The following MYT1L variants were observed in gnomAD, a reference collection of about 807,000 sequenced individuals.
MYT1L encodes myelin transcription factor 1 like, also known as myelin transcription factor 1-like protein.
In MYT1L, 12 loss-of-function variants were observed where a neutral mutation model predicts 126.7. The ratio of observed to expected loss-of-function variants is 0.09; its 90% CI spans 0.06 to 0.15. MYT1L has a LOEUF of 0.15. Among genes scored for constraint, MYT1L ranks in the 10% least tolerant of loss-of-function variants. MYT1L has a pLI of 1.00. For synonymous variants in MYT1L, 541 were observed against 604.2 expected, an observed-to-expected ratio of 0.90 and a Z score of 1.53; for missense variants, 979 against 1,585.2, an observed-to-expected ratio of 0.62 and a Z score of 6.49.
intron 1 of MYT1L, among the ~76,000 whole-genome samples, chr2:2,327,823 T>A (rs1391303030): frequency 6.6e-6 from 1 of 152,208 alleles, no homozygotes; most frequent in Non-Finnish European, 1.5e-5. Flanking sequence ...CAGAGGAGTT[T>A]TTTTTAATAT....
chr2:2,111,876 C>A (rs1404577436), intron 3 of MYT1L, among the ~76,000 whole-genome samples: 2 of 152,372 alleles, frequency 1.3e-5, no homozygotes, highest in East Asian at 3.9e-4. Flanking sequence ...CATTGGCTGC[C>A]ATGGTGGGCG....
At chr2:1,796,963 A>T (rs1016311263) in intron 23 of MYT1L, among the ~76,000 whole-genome samples, 13 of 151,978 alleles carry the variant, frequency 8.6e-5, no homozygotes, top group African/African-American at 2.4e-4. Flanking sequence ...ATAACAAGCA[A>T]CTTCTGGGTG....
chr2:1,875,927 T>C (rs1393542620), intron 18 of MYT1L, among the ~76,000 whole-genome samples: 1 of 152,192 alleles, frequency 6.6e-6, no homozygotes, highest in Non-Finnish European at 1.5e-5. Flanking sequence ...TATCTCTCTG[T>C]TCATGTGTTA....
intron 3 of MYT1L, among the ~76,000 whole-genome samples, chr2:2,096,629 G>A (rs114692181): frequency 6.6e-6 from 1 of 152,144 alleles, no homozygotes; most frequent in Non-Finnish European, 1.5e-5. Flanking sequence ...AGGAGCCTTG[G>A]TGAAAGGCTC....
intron 3 of MYT1L, among the ~76,000 whole-genome samples, chr2:2,057,436 T>C (rs986440032): frequency 6.6e-6 from 1 of 151,866 alleles, no homozygotes; most frequent in Non-Finnish European, 1.5e-5. Flanking sequence ...CCCATCCTTT[T>C]CCTTTCATAA....
At chr2:1,967,034 T>C (rs2059419396) in intron 8 of MYT1L, among the ~76,000 whole-genome samples, 1 of 152,134 alleles carries the variant, frequency 6.6e-6, no homozygotes, top group African/African-American at 2.4e-5. Flanking sequence ...ATTTCATAGT[T>C]TTGGGGGTAC....
chr2:2,203,383 G>T (rs1257907971), intron 2 of MYT1L, among the ~76,000 whole-genome samples: 3 of 127,932 alleles, frequency 2.3e-5, no homozygotes, highest in African/African-American at 9.5e-5. Flanking sequence ...CATCGTCTCA[G>T]CTCCTTAAGC....
At chr2:2,133,982 T>C (rs1382663670) in intron 3 of MYT1L, among the ~76,000 whole-genome samples, 1 of 152,228 alleles carries the variant, frequency 6.6e-6, no homozygotes, top group Non-Finnish European at 1.5e-5. Context: ...CTTTAGAAAC[T>C]GCCACTTGAT....
chr2:1,876,054 G>C (rs1161138727), intron 18 of MYT1L, among the ~76,000 whole-genome samples: 1 of 152,216 alleles, frequency 6.6e-6, no homozygotes, highest in African/African-American at 2.4e-5. Context: ...TCTGCGGTGA[G>C]GTTGAGGGCT....
intron 4 of MYT1L, among the ~76,000 whole-genome samples, chr2:2,037,798 A>G (rs1375315532): frequency 6.8e-6 from 1 of 146,440 alleles, no homozygotes; most frequent in Admixed American, 6.7e-5. Context: ...CAAAAAAACA[A>G]AAAAACAAAA....
At chr2:2,058,944 T>C (rs1178347728) in intron 3 of MYT1L, among the ~76,000 whole-genome samples, 4 of 152,178 alleles carry the variant, frequency 2.6e-5, no homozygotes, top group Non-Finnish European at 5.9e-5. Context: ...AAGTGTTCAT[T>C]CATATGGGGG....
chr2:2,275,135 G>C (rs2095333315), intron 2 of MYT1L, among the ~76,000 whole-genome samples: 1 of 151,970 alleles, frequency 6.6e-6, no homozygotes, highest in African/African-American at 2.4e-5. Context: ...CACTGAGCCA[G>C]GTCTTGGAGG....
intron 3 of MYT1L, among the ~76,000 whole-genome samples, chr2:2,169,793 T>C (rs1386642691): frequency 6.6e-6 from 1 of 152,180 alleles, no homozygotes; most frequent in Non-Finnish European, 1.5e-5. Context: ...TCCCTCACCC[T>C]TCCGGGAAGA....
At chr2:1,886,076 T>G (rs1378122739) in intron 18 of MYT1L, 1 of 152,632 alleles carries the variant, frequency 6.6e-6, no homozygotes, top group African/African-American at 2.4e-5. Flanking sequence ...CTAAAGAGTA[T>G]TCATGACTAA....
Position 1,791,614 on chromosome 2 carries a change from C to A in MYT1L, c.*253G>T. The A allele has an allele frequency of 4.3e-6, 2 of 467,656 alleles. No homozygotes were observed. The highest frequency in any genetic ancestry group is 7.6e-6 in the Non-Finnish European group (2 of 264,710). 29.0% of individuals were successfully genotyped at this position (467,656 alleles called of 1,614,324 possible). ...GATATACCCCCAAATGTGCATACATCAGCAGCTATAAACATTACATGGCAG... is the reference window on the plus strand; with the variant it reads ...GATATACCCCCAAATGTGCATACATAAGCAGCTATAAACATTACATGGCAG... On this transcript the variant is annotated 3_prime_UTR_variant, in exon 25 of 25. Transcript: ENST00000647738. The surrounding 1 kb of genome is among the most constrained non-coding windows in gnomAD (Gnocchi z 6.0).
intron 4 of MYT1L, among the ~76,000 whole-genome samples, chr2:2,002,980 T>C (rs144517643): frequency 1.8e-3 from 275 of 152,232 alleles, no homozygotes; most frequent in Non-Finnish European, 3.4e-3. Flanking sequence ...AAAGCGTGAG[T>C]TGATTAAACC....
At chr2:2,020,031 G>T (rs191002988) in intron 4 of MYT1L, among the ~76,000 whole-genome samples, 12 of 152,070 alleles carry the variant, frequency 7.9e-5, no homozygotes, top group African/African-American at 2.9e-4. Context: ...TTTTTGTAGA[G>T]ACGAGGTTTC....
chr2:2,157,392 A>G (rs1009751181), intron 3 of MYT1L, among the ~76,000 whole-genome samples: 4 of 152,218 alleles, frequency 2.6e-5, no homozygotes, highest in African/African-American at 9.6e-5. Context: ...AGACTTTTGT[A>G]AAATAACCAT....
chr2:2,070,631 C>A (rs2074491611), intron 3 of MYT1L, among the ~76,000 whole-genome samples: 1 of 152,218 alleles, frequency 6.6e-6, no homozygotes, highest in African/African-American at 2.4e-5. Context: ...GTCACGTACA[C>A]CATGCATTCA....
Sources: allele counts gnomAD v4.1 joint callset (sites outside exome capture counted in the v4.1 genomes callset), GRCh38; gene constraint gnomAD v4.1.1; non-coding constraint Gnocchi (gnomAD v3.1); transcripts MANE v1.5; gene names NCBI Gene and HGNC (gene_info 2026-07-23, HGNC 2026-07-21).